The following DACH2 variants were observed in gnomAD, a reference collection of about 807,000 sequenced individuals.
DACH2 encodes the protein dachshund family transcription factor 2.
Under a neutral mutation model 35.8 loss-of-function variants are expected in DACH2, and 17 were observed. The ratio of observed to expected loss-of-function variants is 0.48; its 90% CI spans 0.33 to 0.71. The LOEUF is 0.71. DACH2 is among the 30% of genes least tolerant of loss of function. The probability of loss-of-function intolerance (pLI) is 0.02; values close to 1 mark genes in which losing one functional copy is unlikely to be tolerated. For synonymous variants in DACH2, 195 were observed against 177.3 expected (o/e 1.10, Z -0.79); for missense variants, 469 against 472.7 (o/e 0.99, Z 0.07).
At position 86,610,418 on chromosome X, in the gene DACH2, T is replaced by TTTTCTTTC. The variant is rs1158163139; in HGVS notation, c.641-40594_641-40587dup. 1.4e-3 allele frequency among the ~76,000 whole-genome samples: 88 copies of TTTTCTTTC among 62,185 alleles called. 1 individual carries two copies. The highest frequency in any genetic ancestry group is 5.5e-3 in the African/African-American group (84 of 15,216). The allele number at this position is 62,185 out of a possible 115,157, so 54.0% of individuals were successfully genotyped here. ...CTTTCTTTCTTTCTTTCTTTCTTTCTTTTCTTTCTTTCTTTCTTTCTTTCT... is the reference window on the plus strand; with the variant it reads ...CTTTCTTTCTTTCTTTCTTTCTTTCTTTTCTTTCTTTCTTTCTTTCTTTCTTTCTTTCT... On this transcript the variant is annotated intron_variant, in intron 3 of 11. Coordinates refer to ENST00000373125, the MANE Select transcript of DACH2 (RefSeq NM_053281.3).
At chrX:86,638,545 T>G (rs2040306528) in intron 3 of DACH2, among the ~76,000 whole-genome samples, 1 of 110,643 alleles carries the variant, frequency 9.0e-6, no homozygotes, top group Admixed American at 9.7e-5. Flanking sequence ...TATAAGAAAC[T>G]TAAACAACTC....
chrX:86,199,849 T>A (rs1273363696), intron 1 of DACH2, among the ~76,000 whole-genome samples: 1 of 112,076 alleles, frequency 8.9e-6, no homozygotes, highest in East Asian at 2.8e-4. Flanking sequence ...AGAATTAATA[T>A]CATTACAATG....
chrX:86,699,196 T>A (rs950753488), intron 5 of DACH2, among the ~76,000 whole-genome samples: 1 of 111,785 alleles, frequency 8.9e-6, no homozygotes, highest in Non-Finnish European at 1.9e-5. Flanking sequence ...AACTGAACTC[T>A]AGAACAAACG....
Position 86,279,304 on chromosome X carries a change from A to G in DACH2, c.489-97520A>G, listed in dbSNP as rs2033979063. On this transcript the variant is annotated intron_variant, in intron 1 of 11. Transcript: ENST00000373125. ...CTCATACAGGAGAGCTCTGGCTGGC[A>G]TCTGGCAGGTGCCCCTCTGGGATGA... is the stretch of plus-strand genomic sequence containing the variant. Among the ~76,000 whole-genome samples, 12 of 112,012 alleles carry G rather than the reference A, an allele frequency of 1.1e-4. No homozygotes were observed. In the Admixed American group the frequency reaches 1.1e-3, roughly 11 times the overall value.
intron 2 of DACH2, among the ~76,000 whole-genome samples, chrX:86,488,838 A>T (rs1209062762): frequency 8.9e-6 from 1 of 111,902 alleles, no homozygotes; most frequent in Non-Finnish European, 1.9e-5. Flanking sequence ...TGTTGTTCAA[A>T]GTATTAAATG....
chrX:86,509,180 C>T (rs906419230), intron 2 of DACH2, among the ~76,000 whole-genome samples: 3 of 110,845 alleles, frequency 2.7e-5, no homozygotes, highest in African/African-American at 9.8e-5. Context: ...TTGGGATATG[C>T]GTATAAGATC....
At chrX:86,251,634 C>T (rs894646575) in intron 1 of DACH2, among the ~76,000 whole-genome samples, 27 of 111,768 alleles carry the variant, frequency 2.4e-4, no homozygotes, top group African/African-American at 8.8e-4. Flanking sequence ...ATAATAGTCT[C>T]CAGTTCCATG....
chrX:86,483,619 G>A (rs1602570503), intron 2 of DACH2, among the ~76,000 whole-genome samples: 1 of 110,747 alleles, frequency 9.0e-6, no homozygotes, highest in East Asian at 2.9e-4. Flanking sequence ...ATCCACTTGA[G>A]CCCAGGAGTT....
chrX:86,325,065 G>A (rs2035088376), intron 1 of DACH2, among the ~76,000 whole-genome samples: 1 of 99,189 alleles, frequency 1.0e-5, no homozygotes, highest in Non-Finnish European at 2.0e-5. Flanking sequence ...ACAGTATAGT[G>A]TAAACATAAC....
chrX:86,484,679 A>G (rs983028840), intron 2 of DACH2, among the ~76,000 whole-genome samples: 1 of 112,107 alleles, frequency 8.9e-6, no homozygotes, highest in Non-Finnish European at 1.9e-5. Flanking sequence ...GTTTCATAGA[A>G]AAATCAAGAT....
intron 2 of DACH2, among the ~76,000 whole-genome samples, chrX:86,418,935 C>G (rs1270194743): frequency 8.9e-6 from 1 of 111,896 alleles, no homozygotes; most frequent in African/African-American, 3.2e-5. Context: ...CTGCCAGATA[C>G]CCTCAAGTTC....
At chrX:86,697,833 C>T (rs1272017960) in intron 5 of DACH2, among the ~76,000 whole-genome samples, 2 of 110,980 alleles carry the variant, frequency 1.8e-5, no homozygotes, top group Non-Finnish European at 3.8e-5. Flanking sequence ...AAAAGAGAAA[C>T]GTTGACTGAA....
chrX:86,393,010 G>A (rs960807994), intron 2 of DACH2, among the ~76,000 whole-genome samples: 15 of 110,173 alleles, frequency 1.4e-4, no homozygotes, highest in Non-Finnish European at 2.7e-4. Flanking sequence ...ATCCTATAAT[G>A]CACAGTACAG....
chrX:86,791,337 G>A lies in DACH2; in HGVS notation c.1241-21519G>A, dbSNP rs780528695. ...AAAGAAATGATCTCCAGGAATGCTA[G>A]AAGAATCATACAACACTTCTTTTCC... is the stretch of plus-strand genomic sequence containing the variant. On this transcript the variant is annotated intron_variant, in intron 7 of 11. Coordinates refer to ENST00000373125, the MANE Select transcript of DACH2 (RefSeq NM_053281.3). Among the ~76,000 whole-genome samples, 7 of 112,060 alleles carry A rather than the reference G, an allele frequency of 6.2e-5. No homozygotes were observed. The South Asian group carries it at 2.6e-3, about 41-fold the overall frequency.
intron 7 of DACH2, among the ~76,000 whole-genome samples, chrX:86,783,552 G>C (rs890170433): frequency 5.4e-5 from 6 of 112,035 alleles, no homozygotes; most frequent in African/African-American, 1.9e-4. Flanking sequence ...AGAAAATGTG[G>C]TGCATATACA....
intron 1 of DACH2, among the ~76,000 whole-genome samples, chrX:86,207,346 C>A (rs1324733131): frequency 9.0e-6 from 1 of 111,240 alleles, no homozygotes; most frequent in African/African-American, 3.3e-5. Context: ...CTGTGCAAAT[C>A]TATGCATCAT....
At chrX:86,750,425 C>A (rs914912357) in intron 7 of DACH2, among the ~76,000 whole-genome samples, 1 of 111,594 alleles carries the variant, frequency 9.0e-6, no homozygotes, top group African/African-American at 3.3e-5. Flanking sequence ...TATTATTATT[C>A]TTTGTTGTAA....
intron 1 of DACH2, among the ~76,000 whole-genome samples, chrX:86,343,210 C>A (rs1241679580): frequency 9.0e-6 from 1 of 111,424 alleles, no homozygotes; most frequent in African/African-American, 3.3e-5. Flanking sequence ...TATTCTTTAT[C>A]AACAAAAGTA....
At chrX:86,605,206 T>C (rs2039841284) in intron 3 of DACH2, among the ~76,000 whole-genome samples, 1 of 111,755 alleles carries the variant, frequency 8.9e-6, no homozygotes, top group South Asian at 3.7e-4. Context: ...TTTTAGTTAT[T>C]TCTGTTTCTT....
Sources: allele counts gnomAD v4.1 joint callset (sites outside exome capture counted in the v4.1 genomes callset), GRCh38; gene constraint gnomAD v4.1.1; transcripts MANE v1.5; gene names NCBI Gene and HGNC (gene_info 2026-07-23, HGNC 2026-07-21).